Variants in VWC2L observed in about 807,000 individuals in gnomAD.
VWC2L encodes the protein von Willebrand factor C domain containing 2 like.
In VWC2L, 10 loss-of-function variants were observed where a neutral mutation model predicts 21.6. That is an observed-to-expected ratio of 0.46 (90% CI 0.29 to 0.78). The LOEUF is 0.78. Ranked by LOEUF, VWC2L falls within the 30% of genes least tolerant of loss-of-function variation. The pLI is 0.10. For synonymous variants in VWC2L, 96 were observed against 94.3 expected (o/e 1.02, Z -0.10); for missense variants, 209 against 277.1 (o/e 0.75, Z 1.74).
intron 2 of VWC2L, among the ~76,000 whole-genome samples, chr2:214,421,424 T>C (rs910969840): frequency 6.6e-6 from 1 of 152,192 alleles, no homozygotes; most frequent in African/African-American, 2.4e-5. Flanking sequence ...GTTAGTTATA[T>C]ATAGGAGTAG....
At chr2:214,557,927 C>T (rs900194093) in intron 3 of VWC2L, among the ~76,000 whole-genome samples, 1 of 152,174 alleles carries the variant, frequency 6.6e-6, no homozygotes, top group African/African-American at 2.4e-5. Flanking sequence ...ACTATCCTCC[C>T]TCTGCACTGT....
chr2:214,527,305 C>G (rs957565631), intron 3 of VWC2L, among the ~76,000 whole-genome samples: 1 of 152,018 alleles, frequency 6.6e-6, no homozygotes, highest in Non-Finnish European at 1.5e-5. Flanking sequence ...TGCTCGCTAC[C>G]TGGTTGACAG....
chr2:214,575,631 C>G, intron 3 of VWC2L, 41 bp from the exon 4 acceptor site: 1 of 1,605,124 alleles, frequency 6.2e-7, no homozygotes, highest in African/African-American at 1.3e-5. Flanking sequence ...AAGGGAGCCT[C>G]TCAGATTTAA....
At chr2:214,555,394 T>G (rs1689858799) in intron 3 of VWC2L, among the ~76,000 whole-genome samples, 1 of 152,216 alleles carries the variant, frequency 6.6e-6, no homozygotes, top group Non-Finnish European at 1.5e-5. Context: ...GTCACTCACA[T>G]TTGGCTCAGA....
intron 3 of VWC2L, among the ~76,000 whole-genome samples, chr2:214,484,391 C>T (rs556858051): frequency 1.1e-4 from 16 of 152,140 alleles, no homozygotes; most frequent in Non-Finnish European, 2.2e-4. Context: ...CTCCAGGCCT[C>T]GGTACCTTGC....
chr2:214,561,749 C>T (rs200513068), intron 3 of VWC2L, among the ~76,000 whole-genome samples: 21 of 145,882 alleles, frequency 1.4e-4, no homozygotes, highest in African/African-American at 3.9e-4. Flanking sequence ...CACTTCAACC[C>T]GGGCAACCAG....
In VWC2L at chr2:214,574,230, C is replaced by T. The variant is rs185847307; in HGVS notation, c.521-1442C>T. Among the ~76,000 whole-genome samples the T allele has an allele frequency of 7.2e-3, 1,089 of 152,258 alleles. 6 individuals carry two copies. Among genetic ancestry groups the T allele is most frequent in the Non-Finnish European group, 9.8e-3 (667 of 68,006 alleles). ...TGCTAGCTGTTTGTCAGAGCTGACC[C>T]TTATTTCCCTCCTGCTCTGCATGGC... On this transcript the variant is annotated intron_variant, in intron 3 of 3. Transcript: ENST00000312504.
chr2:214,465,706 C>T (rs1703205391), intron 3 of VWC2L, among the ~76,000 whole-genome samples: 1 of 152,134 alleles, frequency 6.6e-6, no homozygotes, highest in Non-Finnish European at 1.5e-5. Flanking sequence ...AATTGAAGTC[C>T]TTGTGGCCTA....
intron 2 of VWC2L, among the ~76,000 whole-genome samples, chr2:214,419,688 G>A (rs764244080): frequency 6.6e-6 from 1 of 152,194 alleles, no homozygotes; most frequent in Non-Finnish European, 1.5e-5. Context: ...GCCAAAGACA[G>A]TGGACCAGGT....
chr2:214,528,087 T>C (rs1689372481), intron 3 of VWC2L, among the ~76,000 whole-genome samples: 1 of 152,234 alleles, frequency 6.6e-6, no homozygotes, highest in Non-Finnish European at 1.5e-5. Context: ...ATAAACTTTG[T>C]ACTCAAAGTT....
At chr2:214,571,294 A>G (rs1690145778) in intron 3 of VWC2L, among the ~76,000 whole-genome samples, 1 of 152,176 alleles carries the variant, frequency 6.6e-6, no homozygotes, top group African/African-American at 2.4e-5. Flanking sequence ...TATCCCATTG[A>G]TGCCATTTCC....
intron 1 of VWC2L, among the ~76,000 whole-genome samples, 185 bp downstream of exon 1, chr2:214,411,971 T>C (rs569798300): frequency 3.3e-4 from 51 of 152,256 alleles, no homozygotes; most frequent in African/African-American, 1.1e-3. Context: ...TTATCCCATG[T>C]TTCTTCTCTT....
chr2:214,415,818 G>T (rs1165418822), intron 2 of VWC2L, among the ~76,000 whole-genome samples: 1 of 152,118 alleles, frequency 6.6e-6, no homozygotes, highest in Non-Finnish European at 1.5e-5. Context: ...AACTTCCTTA[G>T]ACATGTTATT....
chr2:214,452,598 T>C (rs1702976011), intron 3 of VWC2L, among the ~76,000 whole-genome samples: 1 of 152,198 alleles, frequency 6.6e-6, no homozygotes, highest in African/African-American at 2.4e-5. Context: ...CTTTCTTTTT[T>C]GAATATGCCT....
At chr2:214,571,747 A>T (rs1690152249) in intron 3 of VWC2L, among the ~76,000 whole-genome samples, 1 of 152,014 alleles carries the variant, frequency 6.6e-6, no homozygotes, top group Non-Finnish European at 1.5e-5. Flanking sequence ...TCTTTCATTC[A>T]CATTCTTTCA....
chr2:214,532,409 A>G (rs1689450789), intron 3 of VWC2L, among the ~76,000 whole-genome samples: 1 of 152,100 alleles, frequency 6.6e-6, no homozygotes, highest in African/African-American at 2.4e-5. Context: ...TTTTATTGCT[A>G]TCACACTAAG....
chr2:214,524,931 G>GCT (rs1689304574), intron 3 of VWC2L, among the ~76,000 whole-genome samples: 1 of 37,046 alleles, frequency 2.7e-5, no homozygotes, highest in South Asian at 7.5e-3. Context: ...ACTTTGGCTG[G>GCT]CTTTTTTTTT....
intron 3 of VWC2L, among the ~76,000 whole-genome samples, chr2:214,521,155 G>A (rs1689233526): frequency 6.6e-6 from 1 of 151,876 alleles, no homozygotes; most frequent in Admixed American, 6.6e-5. Flanking sequence ...AACCTGGTAG[G>A]CGAAGCTTGC....
intron 3 of VWC2L, among the ~76,000 whole-genome samples, chr2:214,512,376 G>A (rs1322907124): frequency 2.0e-5 from 3 of 152,060 alleles, no homozygotes; most frequent in Admixed American, 1.3e-4. Flanking sequence ...ACATATAGAG[G>A]GGGACAACAC....
Sources: allele counts gnomAD v4.1 joint callset (sites outside exome capture counted in the v4.1 genomes callset), GRCh38; gene constraint gnomAD v4.1.1; transcripts MANE v1.5; gene names NCBI Gene and HGNC (gene_info 2026-07-23, HGNC 2026-07-21).